CC2D2B: variants seen among roughly 807,000 people sequenced by gnomAD.
CC2D2B encodes coiled-coil and C2 domain containing 2B.
CC2D2B carries 128 observed loss-of-function variants against 161.2 expected under a neutral mutation model. The ratio of observed to expected loss-of-function variants is 0.79; its 90% CI spans 0.69 to 0.92. The LOEUF is 0.92. Ranked by LOEUF, CC2D2B falls within the 40% of genes least tolerant of loss-of-function variation. CC2D2B has a pLI of 0.00. For missense variants in CC2D2B, 1,173 were observed against 1,375.1 expected (o/e 0.85, Z 2.32); for synonymous variants, 391 against 449.8 (o/e 0.87, Z 1.65).
At chr10:96,024,939 T>G in intron 33 of CC2D2B, 28 bp downstream of exon 33, 2 of 1,378,636 alleles carry the variant, frequency 1.5e-6, no homozygotes, top group South Asian at 1.3e-5. Flanking sequence ...AATCTCTTGT[T>G]GGGTTACCTT....
chr10:96,025,162 T>TATATATATATAAAAAAA (rs1564683653), intron 33 of CC2D2B, among the ~76,000 whole-genome samples: 2 of 7,108 alleles, frequency 2.8e-4, no homozygotes, highest in African/African-American at 6.6e-4. Context: ...AAAATATATA[T>TATATATATATAAAAAAA]ATATATATAT....
chr10:95,908,550 G>T (rs550227411), intron 1 of CC2D2B, among the ~76,000 whole-genome samples: 3 of 152,260 alleles, frequency 2.0e-5, no homozygotes, highest in Non-Finnish European at 4.4e-5. Context: ...AAAAATTAAA[G>T]GTTGGAGATG....
chr10:95,963,523 G>A (rs2076838404), intron 12 of CC2D2B, among the ~76,000 whole-genome samples: 1 of 152,104 alleles, frequency 6.6e-6, no homozygotes, highest in African/African-American at 2.4e-5. Flanking sequence ...CAGTAAATAA[G>A]CATAATTGAA....
chr10:95,963,699 G>A (rs1590630706), intron 12 of CC2D2B, among the ~76,000 whole-genome samples: 1 of 152,192 alleles, frequency 6.6e-6, no homozygotes, highest in African/African-American at 2.4e-5. Flanking sequence ...CAGAGGCAAG[G>A]AAACAGGAGT....
chr10:96,014,090 A>T (rs571237075), intron 29 of CC2D2B, among the ~76,000 whole-genome samples: 9 of 152,340 alleles, frequency 5.9e-5, no homozygotes, highest in African/African-American at 2.2e-4. Context: ...TAGCTCATGA[A>T]TATTTTGACT....
intron 15 of CC2D2B, among the ~76,000 whole-genome samples, chr10:95,969,994 G>T (rs1344731161): frequency 6.6e-6 from 1 of 151,276 alleles, no homozygotes; most frequent in Admixed American, 6.6e-5. Flanking sequence ...AAAATAAATC[G>T]ATATGCCCTA....
At chr10:95,953,041 G>A (rs997787260) in intron 10 of CC2D2B, among the ~76,000 whole-genome samples, 15 of 151,950 alleles carry the variant, frequency 9.9e-5, no homozygotes, top group African/African-American at 3.6e-4. Flanking sequence ...CCAATATTCA[G>A]TATTTTTCTC....
intron 2 of CC2D2B, among the ~76,000 whole-genome samples, chr10:95,917,009 T>G (rs1265619496): frequency 6.6e-6 from 1 of 152,212 alleles, no homozygotes; most frequent in Non-Finnish European, 1.5e-5. Context: ...CAACTATTGC[T>G]GCATTGGTTG....
chr10:95,957,202 A>G (rs1332477267), intron 11 of CC2D2B, among the ~76,000 whole-genome samples: 1 of 152,148 alleles, frequency 6.6e-6, no homozygotes, highest in Non-Finnish European at 1.5e-5. Flanking sequence ...TCCTACAAAT[A>G]TTGAGGACCT....
At chr10:95,926,789 C>A (rs1345003774) in intron 5 of CC2D2B, among the ~76,000 whole-genome samples, 1 of 133,788 alleles carries the variant, frequency 7.5e-6, no homozygotes, top group Non-Finnish European at 1.6e-5. Flanking sequence ...CTTCTAACTC[C>A]ATGAAAGATT....
chr10:95,991,493 T>C, intron 21 of CC2D2B, 32 bp downstream of exon 21: 1 of 627,754 alleles, frequency 1.6e-6, no homozygotes, highest in Non-Finnish European at 2.3e-6. Context: ...GTATGAAATA[T>C]AAACCTTTAA....
intron 32 of CC2D2B, among the ~76,000 whole-genome samples, chr10:96,021,766 A>G (rs1336135185): frequency 6.6e-6 from 1 of 152,206 alleles, no homozygotes; most frequent in African/African-American, 2.4e-5. Flanking sequence ...TGGGGAGAGA[A>G]AAAAAAGGAA....
Position 95,980,132 on chromosome 10 carries a change from T to A in CC2D2B, c.1944-1843T>A, listed in dbSNP as rs538073902. ...ATAAAGTACTGCTTCCAGCTCTCCA[T>A]CACCAAAGTAGAAATCTTCAATCGA... On this transcript the variant is annotated intron_variant, in intron 17 of 34. Coordinates refer to ENST00000646931, the MANE Select transcript of CC2D2B (RefSeq NM_001349008.3). 1.4e-4 allele frequency among the ~76,000 whole-genome samples: 19 copies of A among 140,566 alleles called. No homozygotes were observed. The South Asian group carries it at 4.5e-3, about 33-fold the overall frequency. 92.2% of individuals were successfully genotyped at this position (140,566 alleles called of 152,430 possible).
At chr10:95,911,767 T>C (rs1200020892) in intron 2 of CC2D2B, among the ~76,000 whole-genome samples, 1 of 152,190 alleles carries the variant, frequency 6.6e-6, no homozygotes, top group East Asian at 1.9e-4. Context: ...TGAGAACTTA[T>C]GAAAAAGTAT....
At chr10:95,969,783 T>C (rs989346606) in intron 15 of CC2D2B, among the ~76,000 whole-genome samples, 4 of 152,124 alleles carry the variant, frequency 2.6e-5, no homozygotes, top group African/African-American at 9.7e-5. Flanking sequence ...CTATACTTTC[T>C]TACTGTTGTC....
chr10:95,924,831 A>C lies in CC2D2B; in HGVS notation c.227A>C (p.His76Pro). ...GAGCAGCTCATTGATAGCGAAATAC[A>C]TCAAAGGTCCAAGGTGAATAACTTT... ...STEQLIDSEI[H>P]QRSKLSPQTE... The change falls in exon 5 of 35, where the codon CAT (histidine) becomes CCT (proline). Residue 76 changes from histidine (H) to proline (P), a missense_variant. Coordinates refer to ENST00000646931, the MANE Select transcript of CC2D2B (RefSeq NM_001349008.3). 6.5e-7 allele frequency: 1 copy of C among 1,545,636 alleles called. No homozygotes were observed. The highest frequency in any genetic ancestry group is 1.2e-5 in the South Asian group (1 of 83,874).
chr10:95,953,145 T>A (rs377532849), intron 10 of CC2D2B, among the ~76,000 whole-genome samples: 40 of 152,254 alleles, frequency 2.6e-4, no homozygotes, highest in African/African-American at 9.4e-4. Context: ...TTAAATATGT[T>A]TTGTATATTT....
intron 9 of CC2D2B, among the ~76,000 whole-genome samples, chr10:95,949,570 G>A (rs1378761553): frequency 7.7e-6 from 1 of 129,376 alleles, no homozygotes; most frequent in East Asian, 2.3e-4. Flanking sequence ...TGACACGTTA[G>A]TGGGTGCAGC....
chr10:95,968,402 T>C (rs2077015632), intron 14 of CC2D2B, among the ~76,000 whole-genome samples: 1 of 152,228 alleles, frequency 6.6e-6, no homozygotes, highest in Non-Finnish European at 1.5e-5. Flanking sequence ...CTCAGTTTTT[T>C]CCTCTCATAA....
Sources: gnomAD v4.1 joint callset for allele counts (sites outside exome capture counted in the v4.1 genomes callset) on GRCh38, gnomAD v4.1.1 for gene constraint, MANE v1.5 for transcripts, NCBI Gene and HGNC (gene_info 2026-07-23, HGNC 2026-07-21) for gene names.